Variants in LYPD6B observed in about 807,000 individuals in gnomAD.
LYPD6B encodes LY6/PLAUR domain containing 6B.
In LYPD6B, 17 loss-of-function variants were observed where a neutral mutation model predicts 22.8. The ratio of observed to expected loss-of-function variants is 0.75; its 90% CI spans 0.51 to 1.12. The LOEUF (loss-of-function observed/expected upper bound fraction) is 1.12. Ranked by LOEUF, LYPD6B falls within the 50% of genes most tolerant of loss-of-function variation. LYPD6B has a pLI of 0.00. For missense variants in LYPD6B, 221 were observed against 258.3 expected, an observed-to-expected ratio of 0.86 and a Z score of 0.99; for synonymous variants, 106 against 91.6, an observed-to-expected ratio of 1.16 and a Z score of -0.90.
intron 1 of LYPD6B, among the ~76,000 whole-genome samples, chr2:149,079,834 T>C (rs1029880513): frequency 6.6e-6 from 1 of 152,198 alleles, no homozygotes; most frequent in Non-Finnish European, 1.5e-5. Flanking sequence ...CCAGAGGGGT[T>C]AGCAGACCTC....
chr2:149,055,907 T>C (rs1340768039), intron 1 of LYPD6B, among the ~76,000 whole-genome samples: 1 of 152,256 alleles, frequency 6.6e-6, no homozygotes, highest in Non-Finnish European at 1.5e-5. Flanking sequence ...CAGCACATAG[T>C]GCTGAGAGCA....
intron 2 of LYPD6B, among the ~76,000 whole-genome samples, chr2:149,133,775 G>A (rs1688176872): frequency 6.6e-6 from 1 of 152,176 alleles, no homozygotes; most frequent in Non-Finnish European, 1.5e-5. Context: ...TTCAGTGTCA[G>A]TATGGAGATA....
chr2:149,136,326 T>C (rs1392352610), intron 2 of LYPD6B, among the ~76,000 whole-genome samples: 3 of 152,226 alleles, frequency 2.0e-5, no homozygotes, highest in Non-Finnish European at 4.4e-5. Flanking sequence ...TTATTTTCAA[T>C]ATTTCATAAG....
rs141608498 is a variant in LYPD6B at position 149,096,192 on chromosome 2, G to A, written c.-66-34691G>A. Among the ~76,000 whole-genome samples the A allele has an allele frequency of 8.6e-5, 13 of 151,882 alleles. No individual in the cohort carries two copies. The East Asian group carries it at 1.7e-3, about 20-fold the overall frequency. The stretch of plus-strand genomic sequence containing the variant: ...GATAAAGAGATACAGAAAGAGACAC[G>A]GAGAGACTGAGACACAGAGAGAAAA... On this transcript the variant is annotated intron_variant, in intron 1 of 6. Coordinates refer to ENST00000409642, the MANE Select transcript of LYPD6B (RefSeq NM_177964.5).
At chr2:149,162,813 G>A (rs572874747) in intron 3 of LYPD6B, among the ~76,000 whole-genome samples, 14 of 152,116 alleles carry the variant, frequency 9.2e-5, no homozygotes, top group African/African-American at 2.9e-4. Flanking sequence ...CGTTTCTTGC[G>A]CTTTTGCCTG....
At chr2:149,124,430 GT>G (rs1323994032) in intron 1 of LYPD6B, among the ~76,000 whole-genome samples, 6 of 152,152 alleles carry the variant, frequency 3.9e-5, no homozygotes, top group Non-Finnish European at 8.8e-5. Context: ...TGCGTGGTCT[GT>G]TTTTTTGGCA....
chr2:149,214,413 G>A lies in LYPD6B; in HGVS notation c.460-133G>A, dbSNP rs892912026. On this transcript the variant is annotated intron_variant, in intron 6 of 6. Coordinates refer to ENST00000409642, the MANE Select transcript of LYPD6B (RefSeq NM_177964.5). ...AAGGGTACCCAAGAGCCTAGATGATGCAAAATTGGATAACCAACTCCAATT... is the reference window on the plus strand; with the variant it reads ...AAGGGTACCCAAGAGCCTAGATGATACAAAATTGGATAACCAACTCCAATT... 3.2e-5 allele frequency: 28 copies of A among 862,808 alleles called. 2 individuals carry two copies. The highest frequency in any genetic ancestry group is 6.4e-4 in the Middle Eastern group (2 of 3,124). The allele number at this position is 862,808 out of a possible 1,614,324, so 53.4% of individuals were successfully genotyped here.
At chr2:149,187,580 G>A in intron 3 of LYPD6B, 1 of 1,384,848 alleles carries the variant, frequency 7.2e-7, no homozygotes, top group Non-Finnish European at 9.4e-7. Context: ...CTGACACATT[G>A]TAGGTGCCCC....
intron 2 of LYPD6B, among the ~76,000 whole-genome samples, chr2:149,154,951 A>G (rs1368681253): frequency 1.3e-5 from 2 of 152,232 alleles, no homozygotes; most frequent in Non-Finnish European, 2.9e-5. Flanking sequence ...TAACCAATTG[A>G]TAAGGGAAGT....
Position 149,075,050 on chromosome 2 carries a change from G to C in LYPD6B, c.-67+36249G>C, listed in dbSNP as rs780629152. Among the ~76,000 whole-genome samples the C allele has an allele frequency of 3.3e-5, 5 of 152,238 alleles. 1 individual carries two copies. On this transcript the variant is annotated intron_variant, in intron 1 of 6. Coordinates refer to ENST00000409642, the MANE Select transcript of LYPD6B (RefSeq NM_177964.5). ...TGCCTTTTCTCTTTTTAAGGACTTC[G>C]TATTTCATAAAACATGGTGAGCCAA...
intron 1 of LYPD6B, among the ~76,000 whole-genome samples, chr2:149,118,896 C>T (rs1396119332): frequency 6.6e-6 from 1 of 152,258 alleles, no homozygotes; most frequent in East Asian, 1.9e-4. Flanking sequence ...GTTTGGGCAT[C>T]AGAAAGTTGA....
At chr2:149,054,041 A>G (rs1428075564) in intron 1 of LYPD6B, among the ~76,000 whole-genome samples, 1 of 152,234 alleles carries the variant, frequency 6.6e-6, no homozygotes, top group Admixed American at 6.5e-5. Flanking sequence ...TTTGACTATT[A>G]CAAATAATGC....
At chr2:149,059,944 G>A (rs939507636) in intron 1 of LYPD6B, among the ~76,000 whole-genome samples, 4 of 152,176 alleles carry the variant, frequency 2.6e-5, no homozygotes, top group African/African-American at 9.7e-5. Context: ...CTGGTGCAAA[G>A]GTGTGAGGGA....
intron 1 of LYPD6B, among the ~76,000 whole-genome samples, chr2:149,122,887 C>A (rs770318745): frequency 1.2e-4 from 18 of 152,108 alleles, no homozygotes; most frequent in Admixed American, 6.5e-4. Context: ...GGATGACTAC[C>A]TTATAACTGA....
intron 1 of LYPD6B, among the ~76,000 whole-genome samples, chr2:149,063,265 G>T (rs970425126): frequency 5.9e-5 from 9 of 151,952 alleles, no homozygotes; most frequent in African/African-American, 2.2e-4. Flanking sequence ...CGGGCCAAGG[G>T]GTGTTATTTT....
intron 3 of LYPD6B, among the ~76,000 whole-genome samples, chr2:149,203,158 G>A (rs1693281301): frequency 6.6e-6 from 1 of 152,178 alleles, no homozygotes; most frequent in Non-Finnish European, 1.5e-5. Flanking sequence ...TATGAGGTAA[G>A]TACTATCCTA....
chr2:149,194,494 T>C (rs1692681874), intron 3 of LYPD6B, among the ~76,000 whole-genome samples: 1 of 152,194 alleles, frequency 6.6e-6, no homozygotes, highest in Non-Finnish European at 1.5e-5. Flanking sequence ...CAGATTCCAG[T>C]GCTAGCAGCA....
chr2:149,108,598 G>A (rs893455020), intron 1 of LYPD6B, among the ~76,000 whole-genome samples: 1 of 152,158 alleles, frequency 6.6e-6, no homozygotes, highest in African/African-American at 2.4e-5. Context: ...CGTTTAAAGT[G>A]TGTTTCCTAT....
At chr2:149,047,674 T>C (rs1683373556) in intron 1 of LYPD6B, among the ~76,000 whole-genome samples, 1 of 152,156 alleles carries the variant, frequency 6.6e-6, no homozygotes, top group East Asian at 1.9e-4. Flanking sequence ...TCATTAATTT[T>C]GGAAAATTCT....
Sources: gnomAD v4.1 joint callset for allele counts (sites outside exome capture counted in the v4.1 genomes callset) on GRCh38, gnomAD v4.1.1 for gene constraint, MANE v1.5 for transcripts, NCBI Gene and HGNC (gene_info 2026-07-23, HGNC 2026-07-21) for gene names.